The following HS3ST5 variants were observed in gnomAD, a reference collection of about 807,000 sequenced individuals.
The protein encoded by HS3ST5 is heparan sulfate glucosamine 3-O-sulfotransferase 5.
HS3ST5 carries 10 observed loss-of-function variants against 25.4 expected under a neutral mutation model. That is an observed-to-expected ratio of 0.39 (90% CI 0.24 to 0.67). The LOEUF (loss-of-function observed/expected upper bound fraction) is 0.67. Among genes scored for constraint, HS3ST5 ranks in the 30% least tolerant of loss-of-function variants. HS3ST5 has a pLI of 0.44. For synonymous variants in HS3ST5, 170 were observed against 162.4 expected (o/e 1.05, Z -0.36); for missense variants, 324 against 420.7 (o/e 0.77, Z 2.01).
intron 3 of HS3ST5, among the ~76,000 whole-genome samples, chr6:114,087,756 C>T (rs1774912301): frequency 6.6e-6 from 1 of 152,118 alleles, no homozygotes; most frequent in Admixed American, 6.5e-5. Context: ...GTGAGTCGAC[C>T]ACCATGCTTC....
chr6:114,224,538 G>A (rs1447071971), intron 2 of HS3ST5, among the ~76,000 whole-genome samples: 4 of 151,202 alleles, frequency 2.6e-5, no homozygotes, highest in African/African-American at 9.7e-5. Context: ...CTATTTCTGG[G>A]CAATAACAAT....
At chr6:114,341,561 G>A (rs969507707) in intron 1 of HS3ST5, among the ~76,000 whole-genome samples, 1 of 150,264 alleles carries the variant, frequency 6.7e-6, no homozygotes, top group Non-Finnish European at 1.5e-5. Context: ...TGTAGTAACA[G>A]TATGACCACC....
chr6:114,149,174 G>A (rs1230628615), intron 3 of HS3ST5, among the ~76,000 whole-genome samples: 5 of 152,174 alleles, frequency 3.3e-5, no homozygotes, highest in Admixed American at 6.5e-5. Flanking sequence ...ACAGTGTGGC[G>A]ATTCCTCAAG....
intron 2 of HS3ST5, among the ~76,000 whole-genome samples, chr6:114,208,231 G>A (rs1279222161): frequency 1.3e-5 from 2 of 152,080 alleles, no homozygotes; most frequent in African/African-American, 4.8e-5. Flanking sequence ...CTGAGTGTTG[G>A]TGGCCCATTC....
At chr6:114,108,451 C>T (rs1180893262) in intron 3 of HS3ST5, among the ~76,000 whole-genome samples, 1 of 152,014 alleles carries the variant, frequency 6.6e-6, no homozygotes, top group African/African-American at 2.4e-5. Context: ...ATGAAAATGC[C>T]CGAGGACGTA....
intron 3 of HS3ST5, among the ~76,000 whole-genome samples, chr6:114,113,696 T>C (rs1443980827): frequency 6.6e-6 from 1 of 152,028 alleles, no homozygotes; most frequent in Non-Finnish European, 1.5e-5. Context: ...ATTTATTATC[T>C]GCCTGCCCCC....
At chr6:114,291,056 G>C (rs555220444) in intron 1 of HS3ST5, among the ~76,000 whole-genome samples, 93 of 152,020 alleles carry the variant, frequency 6.1e-4, no homozygotes, top group Non-Finnish European at 1.1e-3. Flanking sequence ...TCTGTCCCCT[G>C]TCAAATGGGC....
chr6:114,181,226 G>C (rs1055294512), intron 2 of HS3ST5, among the ~76,000 whole-genome samples: 1 of 152,124 alleles, frequency 6.6e-6, no homozygotes, highest in Non-Finnish European at 1.5e-5. Context: ...ACTTGAATCC[G>C]ATCCCTCTTT....
chr6:114,078,438 G>T (rs1489852817), intron 3 of HS3ST5, among the ~76,000 whole-genome samples: 1 of 151,930 alleles, frequency 6.6e-6, no homozygotes, highest in Non-Finnish European at 1.5e-5. Flanking sequence ...TCGAACTCCT[G>T]ACCTCCCCTT....
chr6:114,092,370 G>A (rs1174362368), intron 3 of HS3ST5, among the ~76,000 whole-genome samples: 1 of 152,136 alleles, frequency 6.6e-6, no homozygotes, highest in Non-Finnish European at 1.5e-5. Context: ...AATATGATGA[G>A]CTCAGCACTG....
chr6:114,178,500 G>A (rs188175813), intron 2 of HS3ST5, among the ~76,000 whole-genome samples: 86 of 152,238 alleles, frequency 5.6e-4, no homozygotes, highest in Non-Finnish European at 9.3e-4. Context: ...TACACACATA[G>A]GAACACTAAA....
chr6:114,305,387 C>T (rs959095788), intron 1 of HS3ST5, among the ~76,000 whole-genome samples: 2 of 152,072 alleles, frequency 1.3e-5, no homozygotes, highest in South Asian at 2.1e-4. Flanking sequence ...GACAGACTCA[C>T]TATGTTATTT....
intron 2 of HS3ST5, among the ~76,000 whole-genome samples, chr6:114,184,449 T>C (rs998354605): frequency 1.3e-5 from 2 of 152,050 alleles, no homozygotes; most frequent in South Asian, 2.1e-4. Flanking sequence ...CTTAATTAAC[T>C]ACCCCAGCAA....
chr6:114,162,860 T>A (rs1779037919), intron 3 of HS3ST5, among the ~76,000 whole-genome samples: 1 of 152,306 alleles, frequency 6.6e-6, no homozygotes, highest in East Asian at 1.9e-4. Flanking sequence ...CTCTTTTTTT[T>A]AAGCATGATT....
chr6:114,087,116 TGG>T, intron 3 of HS3ST5, among the ~76,000 whole-genome samples: 1 of 152,310 alleles, frequency 6.6e-6, no homozygotes, highest in African/African-American at 2.4e-5. Flanking sequence ...TGCGGCAAAG[TGG>T]AGCCACTTTG....
intron 3 of HS3ST5, among the ~76,000 whole-genome samples, chr6:114,104,680 C>T (rs960107559): frequency 5.3e-5 from 8 of 152,186 alleles, no homozygotes; most frequent in African/African-American, 1.9e-4. Context: ...TCTTTTCACC[C>T]TACTTACTTA....
intron 3 of HS3ST5, among the ~76,000 whole-genome samples, chr6:114,066,049 C>G (rs1004458928): frequency 6.6e-6 from 1 of 152,210 alleles, no homozygotes; most frequent in African/African-American, 2.4e-5. Context: ...TCCAATCACC[C>G]ACCTCCACTA....
At chr6:114,094,630 C>T (rs564814100) in intron 3 of HS3ST5, among the ~76,000 whole-genome samples, 1 of 152,232 alleles carries the variant, frequency 6.6e-6, no homozygotes, top group African/African-American at 2.4e-5. Context: ...AATTTCCTTA[C>T]AGCAATAGTT....
Position 114,057,226 on chromosome 6 carries a change from C to T in HS3ST5, c.*31G>A, listed in dbSNP as rs767888367. 6.9e-7 allele frequency: 1 copy of T among 1,439,158 alleles called. No homozygotes were observed. Among genetic ancestry groups the T allele is most frequent in the South Asian group, 1.2e-5 (1 of 83,604 alleles). 89.1% of individuals were successfully genotyped at this position (1,439,158 alleles called of 1,614,324 possible). On this transcript the variant is annotated 3_prime_UTR_variant, in exon 5 of 5. Coordinates refer to ENST00000312719, the MANE Select transcript of HS3ST5 (RefSeq NM_153612.4). ...ACAGGAGACATTGTGTGTCTCCAGG[C>T]ACAACACATAGTGTTGTATGACATA...
Sources: allele counts gnomAD v4.1 joint callset (sites outside exome capture counted in the v4.1 genomes callset), GRCh38; gene constraint gnomAD v4.1.1; transcripts MANE v1.5; gene names NCBI Gene and HGNC (gene_info 2026-07-23, HGNC 2026-07-21).